TAFA5: variants seen among roughly 807,000 people sequenced by gnomAD.
The protein encoded by TAFA5 is TAFA chemokine like family member 5.
TAFA5 carries 6 observed loss-of-function variants against 15.3 expected under a neutral mutation model. That is an observed-to-expected ratio of 0.39 (90% CI 0.21 to 0.77). TAFA5 has a LOEUF of 0.77. TAFA5 is among the 30% of genes least tolerant of loss of function. TAFA5 has a pLI of 0.41. For synonymous variants in TAFA5, 103 were observed against 80.7 expected, an observed-to-expected ratio of 1.28 and a Z score of -1.48; for missense variants, 161 against 193.1, an observed-to-expected ratio of 0.83 and a Z score of 0.98.
At chr22:48,553,405 G>A (rs1045181813) in intron 1 of TAFA5, among the ~76,000 whole-genome samples, 4 of 152,186 alleles carry the variant, frequency 2.6e-5, no homozygotes, top group African/African-American at 4.8e-5. Flanking sequence ...GGAGGCGCCC[G>A]GGCCAGAGGG....
chr22:48,665,993 C>G (rs1927595946), intron 2 of TAFA5, among the ~76,000 whole-genome samples: 1 of 151,328 alleles, frequency 6.6e-6, no homozygotes, highest in Non-Finnish European at 1.5e-5. Flanking sequence ...CCTCCTACCC[C>G]TCCCATGGGA....
intron 1 of TAFA5, among the ~76,000 whole-genome samples, chr22:48,583,233 CCA>C (rs1489800472): frequency 2.7e-5 from 4 of 146,950 alleles, no homozygotes; most frequent in Non-Finnish European, 6.0e-5. Context: ...ACAAAATACA[CCA>C]CACACCGCAC....
At chr22:48,591,556 C>T (rs987212810) in intron 1 of TAFA5, among the ~76,000 whole-genome samples, 12 of 152,238 alleles carry the variant, frequency 7.9e-5, no homozygotes, top group African/African-American at 1.2e-4. Flanking sequence ...ATCCTGCTGG[C>T]GCAGGGAGTG....
intron 1 of TAFA5, among the ~76,000 whole-genome samples, chr22:48,577,649 G>A (rs1019931691): frequency 2.0e-5 from 3 of 152,206 alleles, no homozygotes; most frequent in East Asian, 1.9e-4. Flanking sequence ...TTAATGAGCC[G>A]CCGGAGGCCT....
chr22:48,670,141 C>T (rs75220874), intron 2 of TAFA5, among the ~76,000 whole-genome samples: 11,691 of 152,192 alleles, frequency 0.077, 885 homozygotes, highest in African/African-American at 0.2. Context: ...GACAGCTCTC[C>T]GGGCTGTGCG....
chr22:48,660,601 CAGG>C (rs1927402194), intron 2 of TAFA5, among the ~76,000 whole-genome samples: 2 of 152,246 alleles, frequency 1.3e-5, no homozygotes, highest in Non-Finnish European at 2.9e-5. Flanking sequence ...TTCCTGTTTT[CAGG>C]AGAACAGCTG....
chr22:48,655,725 C>T (rs1263896394), intron 2 of TAFA5, among the ~76,000 whole-genome samples: 1 of 151,766 alleles, frequency 6.6e-6, no homozygotes, highest in East Asian at 1.9e-4. Flanking sequence ...GCTGTGGCCT[C>T]AAGCAGGTCC....
chr22:48,553,788 G>T (rs1461405269), intron 1 of TAFA5, among the ~76,000 whole-genome samples: 12 of 152,140 alleles, frequency 7.9e-5, no homozygotes, highest in East Asian at 3.9e-4. Context: ...GTCCTCGTCT[G>T]TTCAGCCTGT....
At chr22:48,741,240 C>T (rs1051369981) in intron 3 of TAFA5, among the ~76,000 whole-genome samples, 3 of 152,272 alleles carry the variant, frequency 2.0e-5, no homozygotes, top group Admixed American at 6.5e-5. Flanking sequence ...AAGCCGGAGT[C>T]GTCCTCACCG....
In TAFA5 at chr22:48,555,909, T is replaced by A. The variant is rs183669487; in HGVS notation, c.112+66205T>A. On this transcript the variant is annotated intron_variant, in intron 1 of 3. Coordinates refer to ENST00000402357, the MANE Select transcript of TAFA5 (RefSeq NM_001082967.3). ...GCTGGGCCTGGCCTTGGGTGGTGCT[T>A]GTGAGGGGTGGAGGCCCTGCCACCT... Among the ~76,000 whole-genome samples, 58 of 152,260 alleles carry A rather than the reference T, an allele frequency of 3.8e-4. 1 individual carries two copies. In the East Asian group the frequency reaches 0.011, roughly 29 times the overall value.
chr22:48,513,081 G>A (rs1184667926), intron 1 of TAFA5, among the ~76,000 whole-genome samples: 1 of 152,130 alleles, frequency 6.6e-6, no homozygotes, highest in Non-Finnish European at 1.5e-5. Context: ...GCCACTCTGG[G>A]GTGCGTTTCT....
At chr22:48,749,127 G>T (rs1004825311) in intron 3 of TAFA5, among the ~76,000 whole-genome samples, 1 of 152,206 alleles carries the variant, frequency 6.6e-6, no homozygotes, top group Non-Finnish European at 1.5e-5. Flanking sequence ...AGATCAGGAC[G>T]ATGCGTCTCC....
rs1930442643 is a variant in TAFA5 at position 48,750,130 on chromosome 22, C to T, written c.*283C>T. The T allele has an allele frequency of 6.0e-6, 3 of 501,590 alleles. No individual in the cohort carries two copies. Among genetic ancestry groups the T allele is most frequent in the South Asian group, 2.4e-5 (1 of 42,202 alleles). The allele number at this position is 501,590 out of a possible 1,614,324, so 31.1% of individuals were successfully genotyped here. ...CCGGCCGCGCCCAGCCCCCGCCGAC[C>T]GTGGCGTTGGCCCTGCTGTCCTCAG... On this transcript the variant is annotated 3_prime_UTR_variant, in exon 4 of 4. Transcript: ENST00000402357.
At chr22:48,680,710 CT>C (rs1928156804) in intron 2 of TAFA5, among the ~76,000 whole-genome samples, 1 of 152,244 alleles carries the variant, frequency 6.6e-6, no homozygotes, top group Non-Finnish European at 1.5e-5. Context: ...GGATGTGGTC[CT>C]CACCGTGGGA....
intron 2 of TAFA5, among the ~76,000 whole-genome samples, chr22:48,669,297 G>A (rs1235222413): frequency 2.0e-5 from 3 of 152,376 alleles, no homozygotes; most frequent in Admixed American, 2.0e-4. Context: ...AAAAGGAGAA[G>A]GTGGCTGCAG....
chr22:48,699,058 C>T (rs543999589), intron 2 of TAFA5, among the ~76,000 whole-genome samples: 134 of 151,754 alleles, frequency 8.8e-4, no homozygotes, highest in Non-Finnish European at 1.4e-3. Flanking sequence ...TCCCCTGCCT[C>T]GGCCTCCTGA....
intron 1 of TAFA5, among the ~76,000 whole-genome samples, chr22:48,491,253 G>A (rs928185019): frequency 2.0e-5 from 3 of 152,156 alleles, no homozygotes; most frequent in South Asian, 2.1e-4. Flanking sequence ...GGTATGTGGG[G>A]GGATTCCCTA....
intron 1 of TAFA5, among the ~76,000 whole-genome samples, chr22:48,568,616 G>A (rs1923482183): frequency 6.6e-6 from 1 of 152,238 alleles, no homozygotes; most frequent in Admixed American, 6.5e-5. Flanking sequence ...ACCGTGTGCA[G>A]TGTTCTCTGC....
At chr22:48,670,804 C>T (rs1927779759) in intron 2 of TAFA5, among the ~76,000 whole-genome samples, 1 of 152,164 alleles carries the variant, frequency 6.6e-6, no homozygotes, top group Non-Finnish European at 1.5e-5. Context: ...ATGATGGAGA[C>T]CATCAGGAGC....
Sources: gnomAD v4.1 joint callset for allele counts (sites outside exome capture counted in the v4.1 genomes callset) on GRCh38, gnomAD v4.1.1 for gene constraint, MANE v1.5 for transcripts, NCBI Gene and HGNC (gene_info 2026-07-23, HGNC 2026-07-21) for gene names.